Variants in STAT3 observed in about 807,000 individuals in gnomAD.
STAT3 encodes the protein DNA-binding protein APRF.
Under a neutral mutation model 114.3 loss-of-function variants are expected in STAT3, and 7 were observed. That is an observed-to-expected ratio of 0.06 (90% CI 0.03 to 0.11). STAT3 has a LOEUF of 0.11. STAT3 is among the 10% of genes least tolerant of loss of function. The pLI is 1.00. For synonymous variants in STAT3, 331 were observed against 354.5 expected (o/e 0.93, Z 0.74); for missense variants, 364 against 960.9 (o/e 0.38, Z 8.21).
intron 4 of STAT3, 130 bp downstream of exon 4, chr17:42,345,428 AT>A: frequency 1.3e-6 from 1 of 786,622 alleles, no homozygotes; most frequent in Non-Finnish European, 2.1e-6. Context: ...TTTTCAATGT[AT>A]TTTTATGATT....
In STAT3 at chr17:42,315,435, G is replaced by A; in HGVS notation, c.*310C>T. The stretch of plus-strand genomic sequence containing the variant: ...AAAAAGCTGCTGAGAAAGGAGGGCA[G>A]GGGAACAAAACAACACAAGACATTT... On this transcript the variant is annotated 3_prime_UTR_variant, in exon 24 of 24. Coordinates refer to ENST00000264657, the MANE Select transcript of STAT3 (RefSeq NM_139276.3). 1 of 511,546 alleles carries A rather than the reference G, an allele frequency of 2.0e-6. No homozygotes were observed. The highest frequency in any genetic ancestry group is 3.6e-6 in the Non-Finnish European group (1 of 281,122). 31.7% of individuals were successfully genotyped at this position (511,546 alleles called of 1,614,324 possible). A position where few individuals can be genotyped will look rare whatever the true frequency, so the allele number is the denominator to read the frequency against.
rs1486176319 is a variant in STAT3 at position 42,316,500 on chromosome 17, T to A, written c.2257+289A>T. The A allele has an allele frequency of 6.1e-6, 4 of 660,278 alleles. No homozygotes were observed. In the East Asian group the frequency reaches 2.1e-4, roughly 35 times the overall value. The allele number at this position is 660,278 out of a possible 1,614,324, so 40.9% of individuals were successfully genotyped here. On this transcript the variant is annotated intron_variant, in intron 23 of 23. Coordinates refer to ENST00000264657, the MANE Select transcript of STAT3 (RefSeq NM_139276.3). The stretch of plus-strand genomic sequence containing the variant: ...TCCCAAAGTGCTGGGATTACAGGCA[T>A]GAGCCACTCACCCAGCCTCAACTTT...
At chr17:42,373,148 G>A (rs931411047) in intron 1 of STAT3, among the ~76,000 whole-genome samples, 7 of 152,048 alleles carry the variant, frequency 4.6e-5, no homozygotes, top group South Asian at 2.1e-4. Context: ...TCAAGAGATC[G>A]AGACATCCTG....
At chr17:42,332,164 T>C (rs1279776798) in intron 10 of STAT3, among the ~76,000 whole-genome samples, 2 of 151,132 alleles carry the variant, frequency 1.3e-5, no homozygotes, top group African/African-American at 4.9e-5. Context: ...CGACCTCAGG[T>C]GATCCACCCA....
intron 18 of STAT3, 54 bp downstream of exon 18, chr17:42,323,519 C>A: frequency 6.2e-7 from 1 of 1,601,752 alleles, no homozygotes; most frequent in Non-Finnish European, 8.6e-7. Flanking sequence ...CCCTCAACGA[C>A]AGCCGTGCAG....
intron 1 of STAT3, among the ~76,000 whole-genome samples, chr17:42,386,225 G>A (rs2085095897): frequency 6.7e-6 from 1 of 149,116 alleles, no homozygotes; most frequent in Admixed American, 6.7e-5. Context: ...AGGTTGCAGT[G>A]AGCCAAGATT....
At position 42,329,760 on chromosome 17, in the gene STAT3, C is replaced by T. The variant is rs2144778052; in HGVS notation, c.1126G>A (p.Ala376Thr). Residue 376 changes from alanine (A) to threonine (T), a missense_variant, in exon 12 of 24, where the codon GCA becomes ACA. Ala to Thr is a moderately conservative substitution (Grantham distance 58). Coordinates refer to ENST00000264657, the MANE Select transcript of STAT3 (RefSeq NM_139276.3). ...VCIDKDSGDV[A>T]ALRGSRKFNI... ...GGCTGAACTTACCCTCTGAGAGCTG[C>T]AACGTCCCCAGAGTCTCTGTAAGAA... The T allele has an allele frequency of 6.2e-7, 1 of 1,614,230 alleles. No individual in the cohort carries two copies. The highest frequency in any genetic ancestry group is 8.5e-7 in the Non-Finnish European group (1 of 1,180,038).
intron 21 of STAT3, among the ~76,000 whole-genome samples, chr17:42,320,728 A>T (rs1299647796): frequency 1.3e-5 from 1 of 78,930 alleles, no homozygotes; most frequent in East Asian, 4.9e-4. Context: ...GACTTAGTCT[A>T]AAAAAAAAAA....
intron 14 of STAT3, among the ~76,000 whole-genome samples, chr17:42,326,758 T>C (rs2144736083): frequency 6.6e-6 from 1 of 152,216 alleles, no homozygotes; most frequent in Non-Finnish European, 1.5e-5. Flanking sequence ...AGGCAGAGGA[T>C]GCAGTGAGCC....
chr17:42,346,210 G>C (rs569629912), intron 3 of STAT3, among the ~76,000 whole-genome samples: 2 of 152,228 alleles, frequency 1.3e-5, no homozygotes, highest in East Asian at 3.9e-4. Context: ...ATACTATCCT[G>C]GTCTTGCAGG....
rs369900449 is a variant in STAT3 at position 42,325,103 on chromosome 17, T to C, written c.1366-42A>G. The C allele has an allele frequency of 7.0e-6, 11 of 1,576,906 alleles. No homozygotes were observed. In the African/African-American group the frequency reaches 1.2e-4, roughly 17 times the overall value. ...GACTGAGCTGGGGAGGCAGAGGGGC[T>C]CTCACAGCCTTGGAAATCTCTTCAC... On this transcript the variant is annotated intron_variant, in intron 15 of 23. Transcript: ENST00000264657.
chr17:42,374,572 T>C (rs1207293615), intron 1 of STAT3, among the ~76,000 whole-genome samples: 1 of 143,220 alleles, frequency 7.0e-6, no homozygotes, highest in Admixed American at 7.5e-5. Flanking sequence ...ATCGTGCCAT[T>C]GCACTCCAGC....
chr17:42,381,001 T>G (rs2084760291), intron 1 of STAT3, among the ~76,000 whole-genome samples: 1 of 152,192 alleles, frequency 6.6e-6, no homozygotes, highest in Admixed American at 6.5e-5. Context: ...ATGCATCATC[T>G]TGCTTCATCC....
intron 11 of STAT3, among the ~76,000 whole-genome samples, chr17:42,330,651 G>T (rs922736079): frequency 6.8e-6 from 1 of 147,752 alleles, no homozygotes; most frequent in African/African-American, 2.5e-5. Flanking sequence ...GGATGGTCTC[G>T]ATCTCCTGAC....
In STAT3 at chr17:42,317,490, C is replaced by T. The variant is rs958189582; in HGVS notation, c.2102-266G>A. 1.2e-5 allele frequency: 7 copies of T among 562,470 alleles called. No homozygotes were observed. In the East Asian group the frequency reaches 2.1e-4, roughly 17 times the overall value. The allele number at this position is 562,470 out of a possible 1,614,324, so 34.8% of individuals were successfully genotyped here. A position where few individuals can be genotyped will look rare whatever the true frequency, so the allele number is the denominator to read the frequency against. On this transcript the variant is annotated intron_variant, in intron 21 of 23. Transcript: ENST00000264657. ...ACTTTTCAGCATAACCTTTTCCCAC[C>T]TGACCCTAGACTAATGCCACCTTGT...
At chr17:42,357,080 G>A (rs1052925431) in intron 1 of STAT3, among the ~76,000 whole-genome samples, 9 of 151,926 alleles carry the variant, frequency 5.9e-5, no homozygotes, top group African/African-American at 9.7e-5. Context: ...GAGCCACTGC[G>A]CCTGGCCTGA....
chr17:42,355,901 C>A (rs921479854), intron 1 of STAT3, among the ~76,000 whole-genome samples: 76 of 152,196 alleles, frequency 5.0e-4, no homozygotes, highest in African/African-American at 1.6e-3. Context: ...TGAGGGAAGG[C>A]GGAAAGAGAG....
In STAT3 at chr17:42,339,405, C is replaced by G. The variant is rs777883261; in HGVS notation, c.377G>C (p.Gly126Ala). Residue 126 changes from glycine to alanine, a missense_variant, in exon 5 of 24, where the codon GGG becomes GCG. Gly to Ala is a moderately conservative substitution (Grantham distance 60). Transcript: ENST00000264657. The part of the protein sequence containing the change: ...LQTAATAAQQ[G>A]GQANHPTAAV... ...TGCTGTGGGGTGGTTGGCCTGGCCCCCTTGCTGCCAAAAAGGAGGTCAATG... is the reference window on the plus strand; with the variant it reads ...TGCTGTGGGGTGGTTGGCCTGGCCCGCTTGCTGCCAAAAAGGAGGTCAATG... 2 of 1,614,080 alleles carry G rather than the reference C, an allele frequency of 1.2e-6. No individual in the cohort carries two copies. The highest frequency in any genetic ancestry group is 1.7e-6 in the Non-Finnish European group (2 of 1,180,000).
chr17:42,360,554 G>A (rs181423040), intron 1 of STAT3, among the ~76,000 whole-genome samples: 1 of 151,836 alleles, frequency 6.6e-6, no homozygotes. Context: ...TAAGGCAGGG[G>A]AATTGCTTGA....
Sources: allele counts gnomAD v4.1 joint callset (sites outside exome capture counted in the v4.1 genomes callset), GRCh38; gene constraint gnomAD v4.1.1; transcripts MANE v1.5; gene names NCBI Gene and HGNC (gene_info 2026-07-23, HGNC 2026-07-21).